The following CDC42BPB variants were observed in gnomAD, a reference collection of about 807,000 sequenced individuals.
CDC42BPB encodes serine/threonine-protein kinase MRCK beta.
Under a neutral mutation model 214.9 loss-of-function variants are expected in CDC42BPB, and 37 were observed. The observed-to-expected ratio is 0.17, with a 90% CI of 0.13 to 0.23. CDC42BPB has a LOEUF of 0.23. CDC42BPB is among the 10% of genes least tolerant of loss of function. The probability of loss-of-function intolerance (pLI) is 1.00; values close to 1 mark genes in which losing one functional copy is unlikely to be tolerated. For missense variants in CDC42BPB, 1,694 were observed against 2,227.0 expected (o/e 0.76, Z 4.82); for synonymous variants, 931 against 884.0 (o/e 1.05, Z -0.94).
chr14:103,053,968 G>A (rs1346927074), intron 1 of CDC42BPB, among the ~76,000 whole-genome samples: 1 of 151,984 alleles, frequency 6.6e-6, no homozygotes, highest in Non-Finnish European at 1.5e-5. Flanking sequence ...AGCCTCCAGA[G>A]TAACTGGGAC....
intron 24 of CDC42BPB, among the ~76,000 whole-genome samples, chr14:102,951,182 T>G (rs9806052): frequency 0.17 from 26,458 of 152,020 alleles, 5,200 homozygotes; most frequent in African/African-American, 0.49. Context: ...CTCCCACACG[T>G]GGGAGTTTCT....
chr14:103,054,520 T>C (rs1000869660), intron 1 of CDC42BPB, among the ~76,000 whole-genome samples: 1 of 152,260 alleles, frequency 6.6e-6, no homozygotes, highest in Non-Finnish European at 1.5e-5. Context: ...AAAAACATTA[T>C]TCTGTGCTTT....
chr14:102,991,888 T>C (rs1311407175), intron 5 of CDC42BPB, among the ~76,000 whole-genome samples: 1 of 152,280 alleles, frequency 6.6e-6, no homozygotes, highest in Admixed American at 6.5e-5. Flanking sequence ...AGCTGATTTA[T>C]GCTTTCAGAG....
At chr14:103,011,699 G>A (rs1418017130) in intron 2 of CDC42BPB, among the ~76,000 whole-genome samples, 4 of 152,134 alleles carry the variant, frequency 2.6e-5, no homozygotes, top group Non-Finnish European at 4.4e-5. Context: ...AGCCAAGATC[G>A]CGCCACTGCA....
Position 103,051,154 on chromosome 14 carries a change from C to CGGG in CDC42BPB, c.175+5842_175+5844dup, listed in dbSNP as rs1179516926. ...CAGTTAGTGGCTAGTGTATTTGGGG[C>CGGG]GGGGGGGCGGGAGATTACTACACGC... On this transcript the variant is annotated intron_variant, in intron 1 of 36. Coordinates refer to ENST00000361246, the MANE Select transcript of CDC42BPB (RefSeq NM_006035.4). 3.2e-3 allele frequency among the ~76,000 whole-genome samples: 22 copies of CGGG among 6,828 alleles called. 1 individual carries two copies. Among genetic ancestry groups the CGGG allele is most frequent in the African/African-American group, 7.5e-3 (16 of 2,144 alleles). The allele number at this position is 6,828 out of a possible 152,430, so 4.5% of individuals were successfully genotyped here.
At position 102,975,728 on chromosome 14, in the gene CDC42BPB, T is replaced by C; in HGVS notation, c.1463A>G (p.Lys488Arg). The C allele has an allele frequency of 6.2e-7, 1 of 1,614,198 alleles. No homozygotes were observed. Among genetic ancestry groups the C allele is most frequent in the South Asian group, 1.1e-5 (1 of 91,088 alleles). ...GCGTTCGATTTCTTCATTTAGCTTT[T>C]TGATTTCTTTATCTCGGTTTGAATT... ...LSNSNRDKEI[K>R]KLNEEIERLK... Residue 488 changes from lysine (K) to arginine (R), a missense_variant, in exon 11 of 37, where the codon AAA becomes AGA. This residue lies in a region of CDC42BPB where 462 missense variants were observed against 513.5 expected (regional missense o/e 0.90). Coordinates refer to ENST00000361246, the MANE Select transcript of CDC42BPB (RefSeq NM_006035.4).
At chr14:102,961,015 T>C (rs918451896) in intron 20 of CDC42BPB, among the ~76,000 whole-genome samples, 2 of 151,342 alleles carry the variant, frequency 1.3e-5, no homozygotes, top group Non-Finnish European at 2.9e-5. Flanking sequence ...AATAAATAAA[T>C]AAATAGCCAG....
chr14:103,006,665 TTAAAA>T (rs1316548209), intron 3 of CDC42BPB, among the ~76,000 whole-genome samples: 1 of 152,222 alleles, frequency 6.6e-6, no homozygotes, highest in Non-Finnish European at 1.5e-5. Flanking sequence ...AATTTAATGC[TTAAAA>T]TAAGTCTATG....
chr14:103,040,870 A>C (rs1887950745), intron 1 of CDC42BPB, among the ~76,000 whole-genome samples: 1 of 152,234 alleles, frequency 6.6e-6, no homozygotes. Flanking sequence ...CTACAGATTC[A>C]ATGAAATCCT....
In CDC42BPB at chr14:102,976,004, G is replaced by A. The variant is rs1416537335; in HGVS notation, c.1266C>T (p.Asn422=). The A allele has an allele frequency of 1.2e-6, 2 of 1,614,236 alleles. No individual in the cohort carries two copies. The highest frequency in any genetic ancestry group is 1.3e-5 in the African/African-American group (1 of 75,062). ...RGSLKSIMQS[N]TLTKDEDVQR... Reference sequence around the variant, plus strand: ...GCACATCCTCATCTTTGGTTAATGTGTTGGACTGCATTATGCTCTTCAGAG... The same window carrying A: ...GCACATCCTCATCTTTGGTTAATGTATTGGACTGCATTATGCTCTTCAGAG... Residue 422 remains asparagine, a synonymous_variant, in exon 10 of 37, where the codon AAC becomes AAT. Coordinates refer to ENST00000361246, the MANE Select transcript of CDC42BPB (RefSeq NM_006035.4).
At position 102,952,526 on chromosome 14, in the gene CDC42BPB, C is replaced by A; in HGVS notation, c.3144G>T (p.Gly1048=). 8.1e-6 allele frequency: 13 copies of A among 1,613,448 alleles called. No homozygotes were observed. Among genetic ancestry groups the A allele is most frequent in the Non-Finnish European group, 1.1e-5 (13 of 1,179,608 alleles). ...CGCAGGCGTAGCCCTGCCGGATCAG[C>A]CCAACCATCAGGGAGGTGCAGTGGC... ...QCSHCTSLMV[G]LIRQGYACEV... is the part of the protein sequence containing the mutation. Residue 1048 remains glycine, a synonymous_variant, in exon 24 of 37, where the codon GGG becomes GGT. Coordinates refer to ENST00000361246, the MANE Select transcript of CDC42BPB (RefSeq NM_006035.4).
At chr14:103,024,283 A>G (rs1407919030) in intron 1 of CDC42BPB, among the ~76,000 whole-genome samples, 2 of 152,212 alleles carry the variant, frequency 1.3e-5, no homozygotes, top group Non-Finnish European at 2.9e-5. Flanking sequence ...GTTCTGTAAC[A>G]GAGTCCGTCC....
In CDC42BPB at chr14:103,004,079, G is replaced by A. The variant is rs542931822; in HGVS notation, c.352-56C>T. 1.7e-5 allele frequency: 26 copies of A among 1,517,696 alleles called. No individual in the cohort carries two copies. Among genetic ancestry groups the A allele is most frequent in the South Asian group, 1.3e-4 (11 of 82,874 alleles). The allele number at this position is 1,517,696 out of a possible 1,614,324, so 94.0% of individuals were successfully genotyped here. A position where few individuals can be genotyped will look rare whatever the true frequency, so the allele number is the denominator to read the frequency against. On this transcript the variant is annotated intron_variant, in intron 3 of 36. Coordinates refer to ENST00000361246, the MANE Select transcript of CDC42BPB (RefSeq NM_006035.4). The surrounding 1 kb of genome is among the most constrained non-coding windows in gnomAD (Gnocchi z 5.3). ...TTCACTGGGAAGCAGGCCAGAGAGC[G>A]TACTGCCGGTCTCGGGGTCCCTCCT...
chr14:103,033,843 C>G (rs926052961), intron 1 of CDC42BPB, among the ~76,000 whole-genome samples: 1 of 152,208 alleles, frequency 6.6e-6, no homozygotes, highest in African/African-American at 2.4e-5. Flanking sequence ...CCCCAAACCA[C>G]ACAGCAGTTT....
intron 1 of CDC42BPB, among the ~76,000 whole-genome samples, chr14:103,022,563 A>G (rs1886829646): frequency 6.6e-6 from 1 of 152,160 alleles, no homozygotes; most frequent in African/African-American, 2.4e-5. Context: ...TGTTTAAAAA[A>G]CAAAACAAAC....
At chr14:102,949,072 C>T (rs760651987) in intron 26 of CDC42BPB, among the ~76,000 whole-genome samples, 28 of 152,204 alleles carry the variant, frequency 1.8e-4, no homozygotes, top group African/African-American at 4.6e-4. Context: ...ACACAACAGA[C>T]GGTGCACGGG....
chr14:103,049,800 G>A (rs1309762200), intron 1 of CDC42BPB, among the ~76,000 whole-genome samples: 1 of 152,134 alleles, frequency 6.6e-6, no homozygotes, highest in Non-Finnish European at 1.5e-5. Flanking sequence ...TGCAACCTCC[G>A]CCTCCCGGGT....
chr14:102,984,981 C>T (rs753404085), intron 6 of CDC42BPB, among the ~76,000 whole-genome samples: 6 of 152,228 alleles, frequency 3.9e-5, no homozygotes, highest in Non-Finnish European at 7.3e-5. Context: ...ACTACTGTGA[C>T]GGGGTGGAGT....
intron 1 of CDC42BPB, among the ~76,000 whole-genome samples, chr14:103,033,375 C>A (rs776656549): frequency 6.6e-6 from 1 of 152,088 alleles, no homozygotes; most frequent in African/African-American, 2.4e-5. Context: ...GCGCCCACCA[C>A]CATGCCCAGC....
Sources: gnomAD v4.1 joint callset for allele counts (sites outside exome capture counted in the v4.1 genomes callset) on GRCh38, gnomAD v4.1.1 for gene constraint, gnomAD v4.1.1 regional missense constraint, Gnocchi (gnomAD v3.1) non-coding constraint, MANE v1.5 for transcripts, NCBI Gene and HGNC (gene_info 2026-07-23, HGNC 2026-07-21) for gene names.